The following PACRG variants were observed in gnomAD, a reference collection of about 807,000 sequenced individuals.
PACRG encodes parkin coregulated.
PACRG carries 29 observed loss-of-function variants against 29.7 expected under a neutral mutation model. The observed-to-expected ratio is 0.98, with a 90% CI of 0.73 to 1.33. The LOEUF (loss-of-function observed/expected upper bound fraction) is 1.33. PACRG is among the 40% of genes most tolerant of loss of function. The pLI is 0.00. For synonymous variants in PACRG, 116 were observed against 118.7 expected, an observed-to-expected ratio of 0.98 and a Z score of 0.15; for missense variants, 279 against 316.2, an observed-to-expected ratio of 0.88 and a Z score of 0.89.
chr6:163,066,252 A>G (rs1220843014), intron 3 of PACRG, among the ~76,000 whole-genome samples: 1 of 152,244 alleles, frequency 6.6e-6, no homozygotes, highest in Non-Finnish European at 1.5e-5. Flanking sequence ...AGTAAATTCC[A>G]GACAACAGAG....
At chr6:162,782,074 T>G (rs982613819) in intron 1 of PACRG, among the ~76,000 whole-genome samples, 1 of 151,866 alleles carries the variant, frequency 6.6e-6, no homozygotes, top group African/African-American at 2.4e-5. Flanking sequence ...TGGAAAAAGA[T>G]AAAATATGTG....
At chr6:163,111,634 TG>T (rs1247308721) in intron 4 of PACRG, among the ~76,000 whole-genome samples, 1 of 152,242 alleles carries the variant, frequency 6.6e-6, no homozygotes, top group Non-Finnish European at 1.5e-5. Flanking sequence ...TTGTGGTCAG[TG>T]TTAGAGAGCT....
At chr6:162,784,821 T>C (rs1784338332) in intron 1 of PACRG, among the ~76,000 whole-genome samples, 1 of 152,216 alleles carries the variant, frequency 6.6e-6, no homozygotes, top group African/African-American at 2.4e-5. Flanking sequence ...GTATGTTTGC[T>C]ACTCTTGGTG....
intron 4 of PACRG, among the ~76,000 whole-genome samples, chr6:163,129,029 A>G (rs1816625859): frequency 6.6e-6 from 1 of 151,908 alleles, no homozygotes; most frequent in African/African-American, 2.4e-5. Flanking sequence ...ATTGAGGAAA[A>G]CACCTAAAAC....
At chr6:162,756,009 ATACT>A (rs1364808425) in intron 1 of PACRG, among the ~76,000 whole-genome samples, 1 of 152,114 alleles carries the variant, frequency 6.6e-6, no homozygotes, top group Non-Finnish European at 1.5e-5. Flanking sequence ...TCTGAAAAAA[ATACT>A]TAATATTATT....
intron 4 of PACRG, among the ~76,000 whole-genome samples, chr6:163,174,232 A>C (rs1209710108): frequency 7.8e-6 from 1 of 127,466 alleles, no homozygotes; most frequent in African/African-American, 2.9e-5. Flanking sequence ...AACAAATTGC[A>C]AAAAAAATCT....
At chr6:163,137,789 G>A (rs563709482) in intron 4 of PACRG, among the ~76,000 whole-genome samples, 127 of 152,372 alleles carry the variant, frequency 8.3e-4, no homozygotes, top group African/African-American at 2.9e-3. Flanking sequence ...GGGATACTCC[G>A]TCGGGGAATG....
chr6:162,757,913 G>A (rs796507807), intron 1 of PACRG, among the ~76,000 whole-genome samples: 31 of 152,006 alleles, frequency 2.0e-4, no homozygotes, highest in African/African-American at 7.2e-4. Context: ...AAAAATATGA[G>A]GGTGAAAAAT....
chr6:162,845,977 C>A (rs1026572213), intron 2 of PACRG, among the ~76,000 whole-genome samples: 15 of 152,098 alleles, frequency 9.9e-5, no homozygotes, highest in East Asian at 5.8e-4. Flanking sequence ...ATTAAACATG[C>A]AGGAAAAGTA....
In PACRG at chr6:162,962,220, T is replaced by C. The variant is rs973137031; in HGVS notation, c.292-99930T>C. Among the ~76,000 whole-genome samples the C allele has an allele frequency of 3.9e-5, 6 of 152,184 alleles. No individual in the cohort carries two copies. The East Asian group carries it at 1.2e-3, about 29-fold the overall frequency. Reference sequence around the variant, plus strand: ...ACCAGGTTAGGGATTTTTGTCCATCTCTATGCCTAATGCCCTTTACCAGGC... The same window carrying C: ...ACCAGGTTAGGGATTTTTGTCCATCCCTATGCCTAATGCCCTTTACCAGGC... On this transcript the variant is annotated intron_variant, in intron 2 of 4. Transcript: ENST00000366888.
intron 4 of PACRG, among the ~76,000 whole-genome samples, chr6:163,176,209 A>T (rs1412686267): frequency 1.3e-5 from 2 of 152,230 alleles, no homozygotes; most frequent in Non-Finnish European, 2.9e-5. Flanking sequence ...TTAGGCAGTC[A>T]TGACTGTTCT....
chr6:162,790,683 A>G (rs548593285), intron 1 of PACRG, among the ~76,000 whole-genome samples: 4 of 152,258 alleles, frequency 2.6e-5, no homozygotes, highest in African/African-American at 9.6e-5. Flanking sequence ...CCTCTGCACA[A>G]AATTTATTAT....
intron 2 of PACRG, among the ~76,000 whole-genome samples, chr6:162,900,702 A>G (rs1211017293): frequency 6.6e-6 from 1 of 151,918 alleles, no homozygotes. Flanking sequence ...GCCATCCCCC[A>G]AGCGTGCCAA....
chr6:163,115,641 A>G (rs1815949970), intron 4 of PACRG, among the ~76,000 whole-genome samples: 1 of 152,110 alleles, frequency 6.6e-6, no homozygotes. Flanking sequence ...GAAAATAAAA[A>G]CAAGCAGGAC....
chr6:162,792,622 A>C (rs1404717579), intron 1 of PACRG, among the ~76,000 whole-genome samples: 1 of 152,180 alleles, frequency 6.6e-6, no homozygotes, highest in Admixed American at 6.5e-5. Context: ...CTTCGTCTCT[A>C]GTCCCAGTGT....
chr6:162,812,189 A>C (rs1786929386), intron 1 of PACRG, among the ~76,000 whole-genome samples: 1 of 152,166 alleles, frequency 6.6e-6, no homozygotes, highest in South Asian at 2.1e-4. Flanking sequence ...ATTGTGATAT[A>C]GTATCACAGT....
chr6:162,882,197 G>T (rs1414514528), intron 2 of PACRG, among the ~76,000 whole-genome samples: 1 of 146,618 alleles, frequency 6.8e-6, no homozygotes, highest in Middle Eastern at 4.1e-3. Context: ...GGGTGGGGGG[G>T]CGCACTCTCC....
At chr6:162,908,396 C>T (rs1796079319) in intron 2 of PACRG, among the ~76,000 whole-genome samples, 1 of 152,226 alleles carries the variant, frequency 6.6e-6, no homozygotes, top group African/African-American at 2.4e-5. Flanking sequence ...AAGCACAAAA[C>T]AGGAAATCCA....
At chr6:163,205,665 A>G (rs531430241) in intron 4 of PACRG, among the ~76,000 whole-genome samples, 1 of 152,328 alleles carries the variant, frequency 6.6e-6, no homozygotes, top group African/African-American at 2.4e-5. Flanking sequence ...AGATTTCATG[A>G]CAAAGACACC....
Sources: gnomAD v4.1 joint callset for allele counts (sites outside exome capture counted in the v4.1 genomes callset) on GRCh38, gnomAD v4.1.1 for gene constraint, MANE v1.5 for transcripts, NCBI Gene and HGNC (gene_info 2026-07-23, HGNC 2026-07-21) for gene names.